Variants in DPP6 observed in about 807,000 individuals in gnomAD.
DPP6 encodes the protein dipeptidyl peptidase like 6, also known as A-type potassium channel modulatory protein DPP6.
DPP6 carries 69 observed loss-of-function variants against 122.6 expected under a neutral mutation model. The ratio of observed to expected loss-of-function variants is 0.56; its 90% CI spans 0.46 to 0.69. The LOEUF is 0.69. Among genes scored for constraint, DPP6 ranks in the 30% least tolerant of loss-of-function variants. The pLI is 0.00. For missense variants in DPP6, 928 were observed against 1,116.9 expected, an observed-to-expected ratio of 0.83 and a Z score of 2.41; for synonymous variants, 418 against 433.1, an observed-to-expected ratio of 0.97 and a Z score of 0.43.
intron 1 of DPP6, among the ~76,000 whole-genome samples, chr7:153,933,770 C>G (rs956228658): frequency 2.6e-5 from 4 of 152,170 alleles, no homozygotes; most frequent in African/African-American, 4.8e-5. Context: ...TTAGTTCCCC[C>G]CCAGCAGGCA....
intron 1 of DPP6, among the ~76,000 whole-genome samples, chr7:153,969,524 A>G (rs1795925000): frequency 6.8e-6 from 1 of 147,456 alleles, no homozygotes; most frequent in Non-Finnish European, 1.5e-5. Flanking sequence ...TCATTAAATC[A>G]CATCATATTC....
intron 10 of DPP6, among the ~76,000 whole-genome samples, chr7:154,780,832 G>A (rs184823142): frequency 4.3e-4 from 65 of 152,338 alleles, no homozygotes; most frequent in African/African-American, 1.5e-3. Context: ...TGGGTGGGTA[G>A]GTGGGTGATG....
chr7:154,241,922 C>T lies in DPP6; in HGVS notation c.243+188859C>T, dbSNP rs1336953061. On this transcript the variant is annotated intron_variant, in intron 1 of 25. Coordinates refer to ENST00000377770, the MANE Select transcript of DPP6 (RefSeq NM_130797.4). This position sits in a 1 kb window ranked among gnomAD's most constrained non-coding sequence, Gnocchi z 9.0. ...ACCTTCCTCTGGCATTCACAGAGGG[C>T]TGAGTTTCTAGTAGATGTTAATCAA... 6.6e-6 allele frequency among the ~76,000 whole-genome samples: 1 copy of T among 152,192 alleles called. No individual in the cohort carries two copies. The highest frequency in any genetic ancestry group is 1.5e-5 in the Non-Finnish European group (1 of 68,026).
intron 1 of DPP6, among the ~76,000 whole-genome samples, chr7:154,197,541 A>G (rs1057353328): frequency 6.6e-6 from 1 of 152,146 alleles, no homozygotes; most frequent in African/African-American, 2.4e-5. Context: ...AACAAGAGGT[A>G]GTCCAGCTTG....
At chr7:154,447,616 G>A (rs1274768465) in intron 2 of DPP6, among the ~76,000 whole-genome samples, 1 of 151,932 alleles carries the variant, frequency 6.6e-6, no homozygotes, top group Non-Finnish European at 1.5e-5. Context: ...ACTAGATAAA[G>A]ATATCACAAG....
rs536918167 is a variant in DPP6 at position 154,836,924 on chromosome 7, C to G, written c.1667-16856C>G. Among the ~76,000 whole-genome samples the G allele has an allele frequency of 3.9e-5, 6 of 152,276 alleles. No homozygotes were observed. In the East Asian group the frequency reaches 9.7e-4, roughly 25 times the overall value. Reference sequence around the variant, plus strand: ...GTTTCATCATGTTGGCCAGGCTGGTCTCGAACTCCTGACCTCAGGCGATCT... The same window carrying G: ...GTTTCATCATGTTGGCCAGGCTGGTGTCGAACTCCTGACCTCAGGCGATCT... On this transcript the variant is annotated intron_variant, in intron 16 of 25. Coordinates refer to ENST00000377770, the MANE Select transcript of DPP6 (RefSeq NM_130797.4).
intron 1 of DPP6, among the ~76,000 whole-genome samples, chr7:154,386,044 G>C (rs971630142): frequency 6.6e-6 from 1 of 152,302 alleles, no homozygotes; most frequent in East Asian, 1.9e-4. Flanking sequence ...TACAAGGTGT[G>C]CTCAGGAAAA....
At chr7:154,046,387 G>C (rs1800018461) in intron 1 of DPP6, among the ~76,000 whole-genome samples, 1 of 152,208 alleles carries the variant, frequency 6.6e-6, no homozygotes, top group South Asian at 2.1e-4. Context: ...GACAGGTTAA[G>C]ATGCTTCCCT....
intron 1 of DPP6, among the ~76,000 whole-genome samples, chr7:154,303,953 T>G (rs1368856014): frequency 6.6e-6 from 1 of 152,212 alleles, no homozygotes; most frequent in Non-Finnish European, 1.5e-5. Context: ...GGAAAGGGGC[T>G]GAACAAGGGG....
chr7:154,063,917 G>A lies in DPP6; in HGVS notation c.243+10854G>A, dbSNP rs192946335. On this transcript the variant is annotated intron_variant, in intron 1 of 25. Transcript: ENST00000377770. ...TCAGGAGCTGATACTCCTGAGTCTCGGGAAGCCTCCAGGGACAGAGCACAG... is the reference window on the plus strand; with the variant it reads ...TCAGGAGCTGATACTCCTGAGTCTCAGGAAGCCTCCAGGGACAGAGCACAG... Among the ~76,000 whole-genome samples, 167 of 151,732 alleles carry A rather than the reference G, an allele frequency of 1.1e-3. 1 individual carries two copies. The highest frequency in any genetic ancestry group is 2.0e-3 in the Non-Finnish European group (136 of 67,922).
At chr7:154,419,022 T>C (rs1817244915) in intron 1 of DPP6, among the ~76,000 whole-genome samples, 2 of 152,220 alleles carry the variant, frequency 1.3e-5, no homozygotes, top group Non-Finnish European at 2.9e-5. Context: ...CAATGACTAA[T>C]ATTTACCAAG....
chr7:154,086,609 C>T (rs1229928186), intron 1 of DPP6, among the ~76,000 whole-genome samples: 2 of 148,300 alleles, frequency 1.3e-5, no homozygotes, highest in Non-Finnish European at 3.0e-5. Flanking sequence ...GAAACAACCA[C>T]AGAGCTTACT....
the DPP6 span, among the ~76,000 whole-genome samples, chr7:153,793,762 G>A: frequency 6.6e-6 from 1 of 151,570 alleles, no homozygotes; most frequent in Admixed American, 6.6e-5. Flanking sequence ...CCCATCACAG[G>A]CCCAGAGACC....
At chr7:154,614,930 G>C (rs188477295) in intron 5 of DPP6, among the ~76,000 whole-genome samples, 1 of 152,278 alleles carries the variant, frequency 6.6e-6, no homozygotes, top group Non-Finnish European at 1.5e-5. Flanking sequence ...TCATGGGACC[G>C]CTGTGAGTTT....
chr7:154,468,801 G>A (rs1248025395), intron 2 of DPP6, among the ~76,000 whole-genome samples: 1 of 152,156 alleles, frequency 6.6e-6, no homozygotes, highest in Non-Finnish European at 1.5e-5. Flanking sequence ...TAATTTTGAT[G>A]TTATGCTACT....
chr7:153,901,698 T>G (rs1475089735), intron 1 of DPP6, among the ~76,000 whole-genome samples: 1 of 152,220 alleles, frequency 6.6e-6, no homozygotes, highest in African/African-American at 2.4e-5. Context: ...CAGACCCTCG[T>G]TGTTTCTTTG....
chr7:154,231,503 C>A (rs577033330), intron 1 of DPP6, among the ~76,000 whole-genome samples: 2 of 152,234 alleles, frequency 1.3e-5, no homozygotes, highest in South Asian at 4.1e-4. Context: ...GAGTCTGTTG[C>A]TGGGTCTAAT....
intron 8 of DPP6, among the ~76,000 whole-genome samples, chr7:154,740,458 G>A (rs566757692): frequency 5.9e-5 from 9 of 152,306 alleles, no homozygotes; most frequent in Non-Finnish European, 1.0e-4. Flanking sequence ...TCAGAAGCTG[G>A]AACTAGACTT....
At chr7:154,478,557 T>C (rs934739280) in intron 3 of DPP6, among the ~76,000 whole-genome samples, 2 of 152,062 alleles carry the variant, frequency 1.3e-5, no homozygotes, top group African/African-American at 2.4e-5. Flanking sequence ...TATATACATA[T>C]ATATATATAT....
Sources: gnomAD v4.1 joint callset for allele counts (sites outside exome capture counted in the v4.1 genomes callset) on GRCh38, gnomAD v4.1.1 for gene constraint, Gnocchi (gnomAD v3.1) non-coding constraint, MANE v1.5 for transcripts, NCBI Gene and HGNC (gene_info 2026-07-23, HGNC 2026-07-21) for gene names.